Variants in IQGAP2 observed in about 807,000 individuals in gnomAD.
The protein encoded by IQGAP2 is IQ motif containing GTPase activating protein 2.
Under a neutral mutation model 201.3 loss-of-function variants are expected in IQGAP2, and 173 were observed. The observed-to-expected ratio is 0.86, with a 90% CI of 0.76 to 0.98. The LOEUF is 0.98. IQGAP2 is among the 50% of genes least tolerant of loss of function. IQGAP2 has a pLI of 0.00. For missense variants in IQGAP2, 1,687 were observed against 1,864.8 expected, an observed-to-expected ratio of 0.90 and a Z score of 1.76; for synonymous variants, 675 against 673.9, an observed-to-expected ratio of 1.00 and a Z score of -0.03.
chr5:76,494,168 A>C (rs2150158688), intron 2 of IQGAP2, among the ~76,000 whole-genome samples: 1 of 152,312 alleles, frequency 6.6e-6, no homozygotes, highest in South Asian at 2.1e-4. Context: ...CACAGATACG[A>C]AGGGCCAGGT....
intron 2 of IQGAP2, among the ~76,000 whole-genome samples, chr5:76,539,116 C>G (rs941721322): frequency 1.3e-5 from 2 of 152,334 alleles, no homozygotes; most frequent in South Asian, 2.1e-4. Flanking sequence ...TAGTGAGTGT[C>G]CTGGTGCTTG....
intron 20 of IQGAP2, 49 bp downstream of exon 20, chr5:76,655,052 C>A (rs753247256): frequency 7.3e-7 from 1 of 1,368,922 alleles, no homozygotes; most frequent in Admixed American, 1.7e-5. Context: ...ATAAACCAGG[C>A]AAGGACATAT....
intron 8 of IQGAP2, among the ~76,000 whole-genome samples, chr5:76,591,347 C>G (rs1351375728): frequency 6.6e-6 from 1 of 152,086 alleles, no homozygotes; most frequent in African/African-American, 2.4e-5. Context: ...ATAGTCAATC[C>G]TTTATATTTG....
At chr5:76,438,259 T>C (rs1752831920) in intron 1 of IQGAP2, among the ~76,000 whole-genome samples, 2 of 152,074 alleles carry the variant, frequency 1.3e-5, no homozygotes, top group African/African-American at 4.8e-5. Flanking sequence ...TGATTCAATC[T>C]CAGTTCTTGT....
At chr5:76,610,932 C>A in intron 12 of IQGAP2, 88 bp from the exon 13 acceptor site, 1 of 1,051,464 alleles carries the variant, frequency 9.5e-7, no homozygotes, top group Non-Finnish European at 1.4e-6. Context: ...CCTTGCTGTA[C>A]TAGTTAATTA....
At chr5:76,613,022 TGCCA>T (rs1365750311) in intron 13 of IQGAP2, among the ~76,000 whole-genome samples, 9 of 152,226 alleles carry the variant, frequency 5.9e-5, no homozygotes, top group African/African-American at 1.9e-4. Context: ...CCCTCTGCAC[TGCCA>T]GCCTTCCAAC....
intron 28 of IQGAP2, among the ~76,000 whole-genome samples, chr5:76,682,513 G>C (rs568968508): frequency 7.7e-4 from 116 of 151,308 alleles, no homozygotes; most frequent in African/African-American, 2.7e-3. Flanking sequence ...CCCGAGTGCT[G>C]CTACCCCTCA....
intron 2 of IQGAP2, among the ~76,000 whole-genome samples, chr5:76,474,935 C>T (rs1348292614): frequency 1.3e-5 from 2 of 152,184 alleles, no homozygotes; most frequent in Non-Finnish European, 2.9e-5. Context: ...TGGTCTTGAA[C>T]TCCCGACCTC....
At chr5:76,588,136 T>G (rs1160941133) in intron 5 of IQGAP2, among the ~76,000 whole-genome samples, 1 of 152,178 alleles carries the variant, frequency 6.6e-6, no homozygotes, top group African/African-American at 2.4e-5. Context: ...CACATCAACA[T>G]CTGAAGTGAT....
At position 76,683,763 on chromosome 5, in the gene IQGAP2, T is replaced by C; in HGVS notation, c.3764-13T>C. ...GTGAATTGGAAAAATAACACTAGGTTTTTTCCCTACAGGGGAAGGAGCAGT... is the reference window on the plus strand; with the variant it reads ...GTGAATTGGAAAAATAACACTAGGTCTTTTCCCTACAGGGGAAGGAGCAGT... On this transcript the variant is annotated splice_polypyrimidine_tract_variant and intron_variant, in intron 29 of 35. Coordinates refer to ENST00000274364, the MANE Select transcript of IQGAP2 (RefSeq NM_006633.5). 1 of 1,603,744 alleles carries C rather than the reference T, an allele frequency of 6.2e-7. No homozygotes were observed. Among genetic ancestry groups the C allele is most frequent in the Non-Finnish European group, 8.5e-7 (1 of 1,174,616 alleles).
At chr5:76,453,382 T>C (rs965420866) in intron 1 of IQGAP2, among the ~76,000 whole-genome samples, 11 of 152,332 alleles carry the variant, frequency 7.2e-5, no homozygotes, top group Middle Eastern at 6.8e-3. Context: ...CTGTATAATA[T>C]ACAGAAAAAA....
intron 17 of IQGAP2, among the ~76,000 whole-genome samples, chr5:76,651,132 A>G (rs1752486887): frequency 6.6e-6 from 1 of 152,132 alleles, no homozygotes; most frequent in African/African-American, 2.4e-5. Context: ...AATTTTCCCA[A>G]AATTACTCTG....
At chr5:76,684,829 T>C (rs1224597254) in intron 30 of IQGAP2, among the ~76,000 whole-genome samples, 1 of 152,168 alleles carries the variant, frequency 6.6e-6, no homozygotes, top group Non-Finnish European at 1.5e-5. Context: ...GAAGACAGCA[T>C]TCATCTCCAC....
At chr5:76,554,187 C>T (rs550000656) in intron 2 of IQGAP2, among the ~76,000 whole-genome samples, 1 of 152,214 alleles carries the variant, frequency 6.6e-6, no homozygotes, top group South Asian at 2.1e-4. Context: ...CACCTCACAT[C>T]ATATACAGAA....
At chr5:76,620,215 A>G (rs777756062) in intron 13 of IQGAP2, among the ~76,000 whole-genome samples, 4 of 152,316 alleles carry the variant, frequency 2.6e-5, no homozygotes, top group Admixed American at 6.5e-5. Context: ...TGTAGAGAAC[A>G]GATTGGAAAG....
chr5:76,663,050 G>A (rs973930284), intron 21 of IQGAP2, among the ~76,000 whole-genome samples: 1 of 152,190 alleles, frequency 6.6e-6, no homozygotes, highest in Non-Finnish European at 1.5e-5. Flanking sequence ...TCAATGGGCT[G>A]ACCCCAGCTA....
intron 27 of IQGAP2, 134 bp downstream of exon 27, chr5:76,674,843 A>C (rs1430987986): frequency 1.4e-5 from 9 of 660,648 alleles, no homozygotes; most frequent in Non-Finnish European, 2.4e-5. Context: ...TCTACCAGCC[A>C]CTGGGGAAAG....
chr5:76,695,084 C>T (rs935418879), intron 31 of IQGAP2, among the ~76,000 whole-genome samples: 12 of 152,182 alleles, frequency 7.9e-5, no homozygotes, highest in African/African-American at 2.4e-4. Context: ...TCAGGGTTCT[C>T]ATAGCCACAT....
At chr5:76,451,658 G>A (rs1753755029) in intron 1 of IQGAP2, among the ~76,000 whole-genome samples, 1 of 152,214 alleles carries the variant, frequency 6.6e-6, no homozygotes, top group African/African-American at 2.4e-5. Flanking sequence ...TCAGTTAGAT[G>A]CATGAAAGTC....
Sources: gnomAD v4.1 joint callset for allele counts (sites outside exome capture counted in the v4.1 genomes callset) on GRCh38, gnomAD v4.1.1 for gene constraint, MANE v1.5 for transcripts, NCBI Gene and HGNC (gene_info 2026-07-23, HGNC 2026-07-21) for gene names.